The following PCDH15 variants were observed in gnomAD, a reference collection of about 807,000 sequenced individuals.
The protein encoded by PCDH15 is protocadherin-15.
Under a neutral mutation model 178.5 loss-of-function variants are expected in PCDH15, and 129 were observed. The ratio of observed to expected loss-of-function variants is 0.72; its 90% CI spans 0.63 to 0.84. PCDH15 has a LOEUF of 0.84. Among genes scored for constraint, PCDH15 ranks in the 40% least tolerant of loss-of-function variants. PCDH15 has a pLI of 0.00. For synonymous variants in PCDH15, 800 were observed against 732.0 expected (o/e 1.09, Z -1.50); for missense variants, 2,230 against 2,099.9 (o/e 1.06, Z -1.21).
At chr10:55,528,040 T>G (rs907507653) in intron 2 of PCDH15, among the ~76,000 whole-genome samples, 38 of 151,792 alleles carry the variant, frequency 2.5e-4, no homozygotes, top group African/African-American at 9.2e-4. Flanking sequence ...TACAAAAATT[T>G]TTTTTTAATT....
chr10:54,141,788 C>T (rs1370146025), intron 14 of PCDH15, among the ~76,000 whole-genome samples: 2 of 152,090 alleles, frequency 1.3e-5, no homozygotes, highest in African/African-American at 4.8e-5. Flanking sequence ...ACAAGTGTTG[C>T]ACTGGTTTGA....
chr10:54,085,076 G>A (rs1388788694), intron 16 of PCDH15, among the ~76,000 whole-genome samples: 1 of 152,138 alleles, frequency 6.6e-6, no homozygotes, highest in Non-Finnish European at 1.5e-5. Context: ...AGGTAGTAGA[G>A]TGAAGTGTGA....
At chr10:55,095,761 T>G (rs1404879822) in intron 2 of PCDH15, among the ~76,000 whole-genome samples, 3 of 152,128 alleles carry the variant, frequency 2.0e-5, no homozygotes. Context: ...GGTAAAAAAT[T>G]GTGCTTTATT....
At chr10:55,400,780 T>G (rs1838043392) in intron 2 of PCDH15, among the ~76,000 whole-genome samples, 1 of 152,146 alleles carries the variant, frequency 6.6e-6, no homozygotes. Context: ...TTTCATACTT[T>G]GAGTTTCCTA....
chr10:55,285,971 G>A (rs894154012), intron 1 of PCDH15, among the ~76,000 whole-genome samples: 3 of 151,784 alleles, frequency 2.0e-5, no homozygotes, highest in Non-Finnish European at 4.4e-5. Flanking sequence ...AAAAGAAGTT[G>A]TTTCATTTCT....
intron 2 of PCDH15, among the ~76,000 whole-genome samples, chr10:55,094,929 C>CTTTTTT (rs60073886): frequency 4.5e-4 from 59 of 130,362 alleles, no homozygotes; most frequent in East Asian, 2.7e-3. Flanking sequence ...TATCCAAATT[C>CTTTTTT]TTTTTTTTTT....
At chr10:54,284,050 G>A (rs567283906) in intron 8 of PCDH15, among the ~76,000 whole-genome samples, 45 of 152,154 alleles carry the variant, frequency 3.0e-4, no homozygotes, top group African/African-American at 1.1e-3. Context: ...GCTCAGGCTG[G>A]TCTTGAACTC....
intron 2 of PCDH15, among the ~76,000 whole-genome samples, chr10:55,411,542 T>C (rs1032186785): frequency 4.6e-5 from 7 of 152,124 alleles, no homozygotes; most frequent in African/African-American, 1.7e-4. Flanking sequence ...CCTTATCAAG[T>C]ATTTTTTTCC....
At chr10:55,070,456 T>C (rs1484374576) in intron 2 of PCDH15, among the ~76,000 whole-genome samples, 1 of 152,158 alleles carries the variant, frequency 6.6e-6, no homozygotes, top group Non-Finnish European at 1.5e-5. Context: ...AATTTTTGTA[T>C]AAGGTGTAAG....
intron 3 of PCDH15, among the ~76,000 whole-genome samples, chr10:54,447,265 T>C (rs148777663): frequency 3.3e-5 from 5 of 151,708 alleles, no homozygotes; most frequent in Admixed American, 2.0e-4. Flanking sequence ...TCTACTCCAT[T>C]GGCAATTTTC....
At chr10:54,452,299 G>GTT (rs1222761389) in intron 3 of PCDH15, 12 of 151,824 alleles carry the variant, frequency 7.9e-5, no homozygotes. Flanking sequence ...AAATTTTGAG[G>GTT]TTATATATAT....
chr10:54,318,669 C>T (rs1024491334), intron 7 of PCDH15, among the ~76,000 whole-genome samples: 4 of 152,138 alleles, frequency 2.6e-5, no homozygotes, highest in African/African-American at 9.7e-5. Context: ...TTTTTGATGA[C>T]ATTGACAATT....
chr10:55,064,770 T>C (rs1250069565), intron 2 of PCDH15, among the ~76,000 whole-genome samples: 1 of 152,104 alleles, frequency 6.6e-6, no homozygotes, highest in African/African-American at 2.4e-5. Context: ...GTGATAATTT[T>C]GATAGTACCA....
intron 2 of PCDH15, among the ~76,000 whole-genome samples, chr10:55,035,702 T>G (rs1027176117): frequency 1.3e-5 from 2 of 152,140 alleles, no homozygotes; most frequent in Non-Finnish European, 2.9e-5. Context: ...TATGGATAAT[T>G]ATGCAAACAG....
At chr10:54,711,270 A>G (rs1361895224) in intron 1 of PCDH15, among the ~76,000 whole-genome samples, 1 of 152,018 alleles carries the variant, frequency 6.6e-6, no homozygotes, top group East Asian at 1.9e-4. Context: ...TGATACTTCA[A>G]GTCATTGCAA....
intron 1 of PCDH15, among the ~76,000 whole-genome samples, chr10:55,258,031 G>A (rs1305544973): frequency 2.6e-5 from 4 of 152,170 alleles, no homozygotes; most frequent in Non-Finnish European, 5.9e-5. Context: ...TCTCTTGGCA[G>A]AAACTCTACA....
intron 2 of PCDH15, among the ~76,000 whole-genome samples, chr10:54,996,169 T>G (rs1043153644): frequency 6.6e-6 from 1 of 152,134 alleles, no homozygotes; most frequent in African/African-American, 2.4e-5. Context: ...TCCTAAACAG[T>G]GGCTTCACCA....
intron 18 of PCDH15, among the ~76,000 whole-genome samples, chr10:54,042,125 T>G (rs1366819310): frequency 1.3e-5 from 2 of 152,088 alleles, no homozygotes; most frequent in Non-Finnish European, 2.9e-5. Context: ...GAAGCAGCTT[T>G]CTATAACAAT....
chr10:54,399,499 T>A (rs921688756), intron 3 of PCDH15, among the ~76,000 whole-genome samples: 1 of 152,058 alleles, frequency 6.6e-6, no homozygotes, highest in African/African-American at 2.4e-5. Flanking sequence ...TTAGAGAATT[T>A]AGAGAAATTA....
Sources: allele counts gnomAD v4.1 joint callset (sites outside exome capture counted in the v4.1 genomes callset), GRCh38; gene constraint gnomAD v4.1.1; transcripts MANE v1.5; gene names NCBI Gene and HGNC (gene_info 2026-07-23, HGNC 2026-07-21).